TMEM94: variants seen among roughly 807,000 people sequenced by gnomAD.
The protein encoded by TMEM94 is ER Mg2+ ATPase.
A neutral mutation model predicts 158.6 loss-of-function variants in TMEM94; 81 were observed. That is an observed-to-expected ratio of 0.51 (90% confidence interval 0.43 to 0.61). The LOEUF is 0.61. TMEM94 is among the 20% of genes least tolerant of loss of function. The pLI is 0.00. For missense variants in TMEM94, 1,435 were observed against 1,762.0 expected, an observed-to-expected ratio of 0.81 and a Z score of 3.32; for synonymous variants, 751 against 730.7, an observed-to-expected ratio of 1.03 and a Z score of -0.45.
intron 11 of TMEM94, 72 bp from the exon 12 acceptor site, chr17:75,490,977 C>A: frequency 7.9e-7 from 1 of 1,271,926 alleles, no homozygotes. Flanking sequence ...CCTGGATTTT[C>A]CCCTAGAGGC....
Position 75,498,956 on chromosome 17 carries a change from G to T in TMEM94, c.3872G>T (p.Trp1291Leu). The change falls in exon 31 of 32, where the codon TGG becomes TTG. Residue 1291 changes from tryptophan (W) to leucine (L), a missense_variant. Transcript: ENST00000314256. The surrounding 1 kb of genome is among the most constrained non-coding windows in gnomAD (Gnocchi z 6.7). ...CAGACGGCTGTGGACCTGCAGCTGT[G>T]GACACACAGGGACAGCCACGTCCAC... ...VVQTAVDLQL[W>L]THRDSHVHFG... The T allele has an allele frequency of 1.3e-6, 2 of 1,583,932 alleles. No individual in the cohort carries two copies. Among genetic ancestry groups the T allele is most frequent in the Non-Finnish European group, 1.7e-6 (2 of 1,164,156 alleles).
chr17:75,495,679 G>C lies in TMEM94; in HGVS notation c.2944+36G>C, dbSNP rs1170045817. 1 of 1,597,308 alleles carries C rather than the reference G, an allele frequency of 6.3e-7. No homozygotes were observed. The highest frequency in any genetic ancestry group is 1.7e-5 in the Admixed American group (1 of 59,824). On this transcript the variant is annotated intron_variant, in intron 22 of 31. Coordinates refer to ENST00000314256, the MANE Select transcript of TMEM94 (RefSeq NM_014738.6). This position sits in a 1 kb window ranked among gnomAD's most constrained non-coding sequence, Gnocchi z 5.6. ...TGGCCATGGGTACTTGGGCAACCTGGTCCCGTCGGCTGAGCTCTGCCTGGG... is the reference window on the plus strand; with the variant it reads ...TGGCCATGGGTACTTGGGCAACCTGCTCCCGTCGGCTGAGCTCTGCCTGGG...
At chr17:75,472,050 C>A in intron 2 of TMEM94, 121 bp downstream of exon 2, 1 of 958,976 alleles carries the variant, frequency 1.0e-6, no homozygotes, top group Non-Finnish European at 1.7e-6. Context: ...AGAGAGGAGG[C>A]AAGGCTCTGA....
At chr17:75,493,974 C>T (rs2052453163) in intron 18 of TMEM94, 58 bp downstream of exon 18, 13 of 1,540,098 alleles carry the variant, frequency 8.4e-6, no homozygotes, top group African/African-American at 2.7e-5. Context: ...GCTGCCGAAG[C>T]CCAGGAGCAG....
In TMEM94 at chr17:75,491,716, C is replaced by T; in HGVS notation, c.1412C>T (p.Ala471Val). Residue 471 changes from alanine (A) to valine (V), a missense_variant, in exon 14 of 32, where the codon GCT (alanine) becomes GTT (valine). Ala to Val is a moderately conservative substitution (Grantham distance 64). Around this residue, in one of 3 missense-constraint regions of TMEM94, gnomAD observed 1,051 missense variants for 1,254.4 expected, o/e 0.84. Transcript: ENST00000314256. The surrounding 1 kb of genome is among the most constrained non-coding windows in gnomAD (Gnocchi z 5.1). ...PEPHERDALL[A>V]GSLNNTLHLS... ...CCCCATGAACGAGACGCCCTCCTGG[C>T]TGGCTCCCTGAACAACACCCTGCAC... 6.2e-7 allele frequency: 1 copy of T among 1,614,096 alleles called. No individual in the cohort carries two copies. The highest frequency in any genetic ancestry group is 1.1e-5 in the South Asian group (1 of 91,090).
At chr17:75,490,471 C>A in intron 10 of TMEM94, 121 bp downstream of exon 10, 1 of 1,168,598 alleles carries the variant, frequency 8.6e-7, no homozygotes, top group Non-Finnish European at 1.2e-6. Context: ...TCAGCCTGGG[C>A]AGCTCTCCAG....
chr17:75,489,186 C>A lies in TMEM94; in HGVS notation c.765-80C>A. The A allele has an allele frequency of 7.4e-7, 1 of 1,348,642 alleles. No individual in the cohort carries two copies. 83.5% of individuals were successfully genotyped at this position (1,348,642 alleles called of 1,614,324 possible). On this transcript the variant is annotated intron_variant, in intron 7 of 31. Transcript: ENST00000314256. This position sits in a 1 kb window ranked among gnomAD's most constrained non-coding sequence, Gnocchi z 5.0. The stretch of plus-strand genomic sequence containing the variant: ...CGGTGCTTGAAGAAGCGGTATCTGG[C>A]AGAGAGGCCCAGAATCCTCCCAAGG...
chr17:75,490,985 G>A, intron 11 of TMEM94, 64 bp from the exon 12 acceptor site: 2 of 1,343,234 alleles, frequency 1.5e-6, no homozygotes, highest in Non-Finnish European at 2.1e-6. Flanking sequence ...TTCCCCTAGA[G>A]GCCGTCTCCA....
chr17:75,487,213 G>C lies in TMEM94; in HGVS notation c.410-719G>C, dbSNP rs2051697413. On this transcript the variant is annotated intron_variant, in intron 5 of 31. Transcript: ENST00000314256. This position sits in a 1 kb window ranked among gnomAD's most constrained non-coding sequence, Gnocchi z 4.6. ...CATCAGTGGCTCCCTTTTGCTTATG[G>C]AAGCCATCCCAGAGGCACGAGTGGC... 6.6e-6 allele frequency: 1 copy of C among 152,390 alleles called. No homozygotes were observed. Among genetic ancestry groups the C allele is most frequent in the Admixed American group, 6.5e-5 (1 of 15,268 alleles). 9.4% of individuals were successfully genotyped at this position (152,390 alleles called of 1,614,324 possible).
chr17:75,493,043 C>T lies in TMEM94; in HGVS notation c.2027C>T (p.Thr676Ile). Reference sequence around the variant, plus strand: ...TCGCTGGGGCGGCTCTCCTGTGTCACCAAGCGGCGGCCTCCCCTCAGCCAC... The same window carrying T: ...TCGCTGGGGCGGCTCTCCTGTGTCATCAAGCGGCGGCCTCCCCTCAGCCAC... ...ETSLGRLSCV[T>I]KRRPPLSHMI... The change falls in exon 16 of 32, where the codon ACC (threonine) becomes ATC (isoleucine). Residue 676 changes from threonine to isoleucine, a missense_variant. By Grantham distance (89) the Thr-to-Ile change is moderately conservative. Transcript: ENST00000314256. 2 of 1,613,616 alleles carry T rather than the reference C, an allele frequency of 1.2e-6. No homozygotes were observed. Among genetic ancestry groups the T allele is most frequent in the Non-Finnish European group, 8.5e-7 (1 of 1,180,038 alleles).
Position 75,488,663 on chromosome 17 carries a change from T to G in TMEM94, c.613-96T>G, listed in dbSNP as rs531991696. ...GGACTCTGGGCTAACTGATGGCTCC[T>G]AACCCCAGCGAATGTCTGTACTTAG... On this transcript the variant is annotated intron_variant, in intron 6 of 31. Transcript: ENST00000314256. 4,561 of 1,470,960 alleles carry G rather than the reference T, an allele frequency of 3.1e-3. 15 individuals are homozygous for G. Among genetic ancestry groups the G allele is most frequent in the Non-Finnish European group, 4.0e-3 (4,299 of 1,066,386 alleles). 91.1% of individuals were successfully genotyped at this position (1,470,960 alleles called of 1,614,324 possible).
At chr17:75,496,908 T>A (rs2052749372) in intron 25 of TMEM94, 101 bp downstream of exon 25, 1 of 1,319,488 alleles carries the variant, frequency 7.6e-7, no homozygotes, top group Non-Finnish European at 1.1e-6. Flanking sequence ...AGCAGTACAG[T>A]CAAGGGGTCC....
intron 1 of TMEM94, among the ~76,000 whole-genome samples, chr17:75,469,800 GATA>G (rs1028221965): frequency 1.3e-5 from 2 of 151,648 alleles, no homozygotes; most frequent in African/African-American, 4.8e-5. Context: ...AAGAAGTAGT[GATA>G]ATAAATAAAA....
rs969785931 is a variant in TMEM94, at chr17:75,462,614, G to A, written c.-107+5863G>A. On this transcript the variant is annotated intron_variant, in intron 1 of 31. Transcript: ENST00000314256. ...CCCAGCACTTTGGGAGGCCAAGATG[G>A]GAAAATCGCTTGAGGCCAGGAGTTC... 2.6e-5 allele frequency among the ~76,000 whole-genome samples: 4 copies of A among 151,276 alleles called. No individual in the cohort carries two copies. The South Asian group carries it at 8.4e-4, about 32-fold the overall frequency.
chr17:75,497,554 A>G (rs1012971836), intron 26 of TMEM94, among the ~76,000 whole-genome samples: 2 of 151,876 alleles, frequency 1.3e-5, no homozygotes, highest in African/African-American at 4.8e-5. Context: ...GGTTTTTGCC[A>G]TGTTGGCGAG....
Position 75,495,332 on chromosome 17 carries a change from A to C in TMEM94, c.2777A>C (p.His926Pro). 1.2e-6 allele frequency: 2 copies of C among 1,613,692 alleles called. No individual in the cohort carries two copies. The highest frequency in any genetic ancestry group is 1.7e-6 in the Non-Finnish European group (2 of 1,179,908). Residue 926 changes from histidine to proline, a missense_variant, in exon 21 of 32, where the codon CAC (histidine) becomes CCC (proline). His to Pro is a moderately conservative substitution (Grantham distance 77, BLOSUM62 -2). Coordinates refer to ENST00000314256, the MANE Select transcript of TMEM94 (RefSeq NM_014738.6). This position sits in a 1 kb window ranked among gnomAD's most constrained non-coding sequence, Gnocchi z 5.6. ...CTCCTCCTCATGGAGGAGGAGGGCC[A>C]CTCGGACCTCATCAGCTTCCAGCCT... ...EGLLLMEEEG[H>P]SDLISFQPTD... is the part of the protein sequence containing the mutation.
In TMEM94 at chr17:75,490,782, T is replaced by A. The variant is rs780946473; in HGVS notation, c.1128+24T>A. On this transcript the variant is annotated intron_variant, in intron 11 of 31. Transcript: ENST00000314256. ...AGGTACAACACTGACCCGGGATGGC[T>A]TCTCTCGCAGGTCCCTAGAGCCATA... 6 of 1,606,108 alleles carry A rather than the reference T, an allele frequency of 3.7e-6. No homozygotes were observed. The Admixed American group carries it at 8.3e-5, about 22-fold the overall frequency.
chr17:75,495,972 G>A lies in TMEM94; in HGVS notation c.2951G>A (p.Cys984Tyr), dbSNP rs770096435. The A allele has an allele frequency of 4.3e-6, 7 of 1,612,704 alleles. No homozygotes were observed. The highest frequency in any genetic ancestry group is 5.9e-6 in the Non-Finnish European group (7 of 1,179,272). ...LFTDCTPETM[C>Y]EMIKIMQEYG... ...CCTTATACGCTGTCCTCAGCCATGT[G>A]TGAGATGATAAAGATCATGCAAGAG... The change falls in exon 23 of 32, where the codon TGT (cysteine) becomes TAT (tyrosine). Residue 984 changes from cysteine to tyrosine, a missense_variant. By Grantham distance (194) the Cys-to-Tyr change is radical. Transcript: ENST00000314256. This position sits in a 1 kb window ranked among gnomAD's most constrained non-coding sequence, Gnocchi z 5.6.
At chr17:75,466,614 C>T (rs2050315616) in intron 1 of TMEM94, among the ~76,000 whole-genome samples, 2 of 152,102 alleles carry the variant, frequency 1.3e-5, no homozygotes, top group Admixed American at 6.5e-5. Context: ...GTCAGGAGTT[C>T]AAGACCAGCC....
Sources: allele counts gnomAD v4.1 joint callset (sites outside exome capture counted in the v4.1 genomes callset), GRCh38; gene constraint gnomAD v4.1.1; regional missense constraint gnomAD v4.1.1; non-coding constraint Gnocchi (gnomAD v3.1); transcripts MANE v1.5; gene names NCBI Gene and HGNC (gene_info 2026-07-23, HGNC 2026-07-21).